The following SSNA1 variants were observed in gnomAD, a reference collection of about 807,000 sequenced individuals.
The protein encoded by SSNA1 is SS nuclear autoantigen 1, also known as microtubule nucleation factor SSNA1.
In SSNA1, 13 loss-of-function variants were observed where a neutral mutation model predicts 13.3. The observed-to-expected ratio is 0.97, with a 90% CI of 0.63 to 1.55. The LOEUF (loss-of-function observed/expected upper bound fraction) is 1.55. Among genes scored for constraint, SSNA1 ranks in the 40% most tolerant of loss-of-function variants. The probability of loss-of-function intolerance (pLI) is 0.00; values close to 1 mark genes in which losing one functional copy is unlikely to be tolerated. For missense variants in SSNA1, 186 were observed against 152.7 expected (o/e 1.22, Z -1.15); for synonymous variants, 89 against 65.9 (o/e 1.35, Z -1.70).
rs548377556 is a variant in SSNA1 at position 137,189,253 on chromosome 9, C to A, written c.240C>A (p.Ala80=). 1 of 1,613,062 alleles carries A rather than the reference C, an allele frequency of 6.2e-7. No individual in the cohort carries two copies. The highest frequency in any genetic ancestry group is 1.3e-5 in the African/African-American group (1 of 75,064). ...ACCGGACCATCGCGGAGACGGAGGC[C>A]GCCTACCTCAAGGTGGAGCTCGGGA... ...EFDRTIAETE[A]AYLKILESSQ... is the part of the protein sequence containing the mutation. Residue 80 remains alanine, a synonymous_variant, in exon 2 of 3, where the codon GCC becomes GCA. Coordinates refer to ENST00000322310, the MANE Select transcript of SSNA1 (RefSeq NM_003731.3).
At position 137,190,057 on chromosome 9, in the gene SSNA1, C is replaced by A; in HGVS notation, c.*143C>A. On this transcript the variant is annotated 3_prime_UTR_variant, in exon 3 of 3. Coordinates refer to ENST00000322310, the MANE Select transcript of SSNA1 (RefSeq NM_003731.3). The stretch of plus-strand genomic sequence containing the variant: ...CGAGAGGGGCAGGTGCCAGCCTCCA[C>A]TGGCATCAGTGACAAGCCCAGGGCA... 1.4e-6 allele frequency: 1 copy of A among 732,500 alleles called. No homozygotes were observed. Among genetic ancestry groups the A allele is most frequent in the Non-Finnish European group, 2.3e-6 (1 of 442,706 alleles). 45.4% of individuals were successfully genotyped at this position (732,500 alleles called of 1,614,324 possible). A position where few individuals can be genotyped will look rare whatever the true frequency, so the allele number is the denominator to read the frequency against.
chr9:137,188,791 G>A lies in SSNA1; in HGVS notation c.52+13G>A. On this transcript the variant is annotated intron_variant, in intron 1 of 2. Transcript: ENST00000322310. ...GAGCTGGTCAAGTGTGAGCGGCGCAGCCGGGACGGGGAGGTCGGGAGGGCC... is the reference window on the plus strand; with the variant it reads ...GAGCTGGTCAAGTGTGAGCGGCGCAACCGGGACGGGGAGGTCGGGAGGGCC... The A allele has an allele frequency of 1.3e-6, 2 of 1,563,896 alleles. No homozygotes were observed. The highest frequency in any genetic ancestry group is 1.4e-5 in the African/African-American group (1 of 71,006).
Position 137,188,783 on chromosome 9 carries a change from G to T in SSNA1, c.52+5G>T. The T allele has an allele frequency of 6.4e-7, 1 of 1,573,910 alleles. No individual in the cohort carries two copies. Among genetic ancestry groups the T allele is most frequent in the Non-Finnish European group, 8.6e-7 (1 of 1,168,110 alleles). ...ACAACAACGAGCTGGTCAAGTGTGA[G>T]CGGCGCAGCCGGGACGGGGAGGTCG... On this transcript the variant is annotated splice_donor_5th_base_variant and intron_variant, in intron 1 of 2. Transcript: ENST00000322310.
At chr9:137,189,733 G>C (rs1193878801) in intron 2 of SSNA1, 74 bp from the exon 3 acceptor site, 2 of 1,393,604 alleles carry the variant, frequency 1.4e-6, no homozygotes, top group Non-Finnish European at 2.0e-6. Flanking sequence ...CAGCACCTGA[G>C]TGTGAGGACA....
chr9:137,189,822 C>G lies in SSNA1; in HGVS notation c.268C>G (p.Gln90Glu). Residue 90 changes from glutamine (Q) to glutamate (E), a missense_variant, in exon 3 of 3, where the codon CAG (glutamine) becomes GAG (glutamate). Coordinates refer to ENST00000322310, the MANE Select transcript of SSNA1 (RefSeq NM_003731.3). ...CTGGCCCCAGATCCTGGAGAGCTCC[C>G]AGACTTTGCTCAGCGTTCTCAAGAG... ...AAYLKILESS[Q>E]TLLSVLKREA... 6.2e-7 allele frequency: 1 copy of G among 1,613,996 alleles called. No homozygotes were observed. The highest frequency in any genetic ancestry group is 1.6e-4 in the Middle Eastern group (1 of 6,062).
In SSNA1 at chr9:137,189,685, C is replaced by T. The variant is rs1279013648; in HGVS notation, c.253-122C>T. ...CCCCTTGGGCTTCCGCCTTCCCCCA[C>T]ACAGGATCCCTTGGCTACAGCACCC... On this transcript the variant is annotated intron_variant, in intron 2 of 2. Transcript: ENST00000322310. 3 of 872,780 alleles carry T rather than the reference C, an allele frequency of 3.4e-6. No homozygotes were observed. The African/African-American group carries it at 5.0e-5, about 15-fold the overall frequency. The allele number at this position is 872,780 out of a possible 1,614,324, so 54.1% of individuals were successfully genotyped here. A position where few individuals can be genotyped will look rare whatever the true frequency, so the allele number is the denominator to read the frequency against.
At chr9:137,188,807 C>G in intron 1 of SSNA1, 29 bp downstream of exon 1, 1 of 1,549,806 alleles carries the variant, frequency 6.5e-7, no homozygotes, top group South Asian at 1.2e-5. Flanking sequence ...ACGGGGAGGT[C>G]GGGAGGGCCG....
At position 137,188,762 on chromosome 9, in the gene SSNA1, C is replaced by T. The variant is rs370229437; in HGVS notation, c.36C>T (p.Asn12=). 70 of 1,584,668 alleles carry T rather than the reference C, an allele frequency of 4.4e-5. No homozygotes were observed. The highest frequency in any genetic ancestry group is 4.5e-5 in the Non-Finnish European group (53 of 1,172,836). Residue 12 remains asparagine, a synonymous_variant, in exon 1 of 3, where the codon AAC becomes AAT. Transcript: ENST00000322310. ...AGGGCGCGGCGCTGCAGAACTACAA[C>T]AACGAGCTGGTCAAGTGTGAGCGGC... ...TQQGAALQNY[N]NELVKCIEEL...
At position 137,188,701 on chromosome 9, in the gene SSNA1, T is replaced by C. The variant is rs774941574; in HGVS notation, c.-26T>C. 3.8e-6 allele frequency: 6 copies of C among 1,570,008 alleles called. No homozygotes were observed. The highest frequency in any genetic ancestry group is 4.3e-6 in the Non-Finnish European group (5 of 1,165,106). On this transcript the variant is annotated 5_prime_UTR_variant, in exon 1 of 3. Transcript: ENST00000322310. Reference sequence around the variant, plus strand: ...AGCGCTGCTTCCGCGGCGGTTGGGGTGGTGGGGCCCCGGGCGGCGTTGACC... The same window carrying C: ...AGCGCTGCTTCCGCGGCGGTTGGGGCGGTGGGGCCCCGGGCGGCGTTGACC...
chr9:137,189,190 G>C lies in SSNA1; in HGVS notation c.177G>C (p.Glu59Asp). Reference protein sequence around the residue: ...QLTEKLARVNENLARKIASRN... With the variant: ...QLTEKLARVNDNLARKIASRN... ...CAGAGAAGCTGGCCCGCGTCAACGA[G>C]AACCTGGCACGCAAGATTGCCTCTC... The change falls in exon 2 of 3, where the codon GAG becomes GAC. Residue 59 changes from glutamate to aspartate, a missense_variant. Transcript: ENST00000322310. 1.9e-6 allele frequency: 3 copies of C among 1,613,204 alleles called. No individual in the cohort carries two copies. Among genetic ancestry groups the C allele is most frequent in the Non-Finnish European group, 2.5e-6 (3 of 1,179,984 alleles).
chr9:137,189,761 T>TA (rs757450260), intron 2 of SSNA1, 46 bp from the exon 3 acceptor site: 3 of 1,575,346 alleles, frequency 1.9e-6, no homozygotes, highest in Non-Finnish European at 2.6e-6. Context: ...CTTAGGACCT[T>TA]ACCAACAGGT....
Position 137,190,058 on chromosome 9 carries a change from T to G in SSNA1, c.*144T>G. The G allele has an allele frequency of 1.4e-6, 1 of 720,236 alleles. No homozygotes were observed. The highest frequency in any genetic ancestry group is 2.3e-6 in the Non-Finnish European group (1 of 432,264). The allele number at this position is 720,236 out of a possible 1,614,324, so 44.6% of individuals were successfully genotyped here. ...GAGAGGGGCAGGTGCCAGCCTCCAC[T>G]GGCATCAGTGACAAGCCCAGGGCAC... is the stretch of plus-strand genomic sequence containing the variant. On this transcript the variant is annotated 3_prime_UTR_variant, in exon 3 of 3. Transcript: ENST00000322310.
chr9:137,190,300 C>T lies in SSNA1; in HGVS notation c.*386C>T, dbSNP rs987704126. On this transcript the variant is annotated 3_prime_UTR_variant, in exon 3 of 3. Transcript: ENST00000322310. ...CAGGAGGACAGGGGTTCTCCTTCAC[C>T]ACAGAACCCAAACCTCAGGTCTCAC... 1.2e-5 allele frequency: 3 copies of T among 248,420 alleles called. No individual in the cohort carries two copies. The highest frequency in any genetic ancestry group is 5.1e-5 in the South Asian group (1 of 19,530). 15.4% of individuals were successfully genotyped at this position (248,420 alleles called of 1,614,324 possible).
rs1340726029 is a variant in SSNA1 at position 137,189,272 on chromosome 9, C to T, written c.252+7C>T. 6.2e-7 allele frequency: 1 copy of T among 1,612,868 alleles called. No homozygotes were observed. Among genetic ancestry groups the T allele is most frequent in the Non-Finnish European group, 8.5e-7 (1 of 1,179,852 alleles). On this transcript the variant is annotated splice_region_variant and intron_variant, in intron 2 of 2. Transcript: ENST00000322310. ...GGAGGCCGCCTACCTCAAGGTGGAG[C>T]TCGGGAGGCCAGGCCGAGCATCAGG...
rs770115945 is a variant in SSNA1 at position 137,189,876 on chromosome 9, G to T, written c.322G>T (p.Ala108Ser). 9.3e-6 allele frequency: 15 copies of T among 1,613,862 alleles called. No individual in the cohort carries two copies. The Admixed American group carries it at 2.3e-4, about 25-fold the overall frequency. ...AGCTGGGAACCTGACCAAGGCTACA[G>T]CCCCAGACCAGAAAAGTAGCGGCGG... is the stretch of plus-strand genomic sequence containing the variant. ...REAGNLTKAT[A>S]PDQKSSGGRD... Residue 108 changes from alanine (A) to serine (S), a missense_variant, in exon 3 of 3, where the codon GCC becomes TCC. By Grantham distance (99) the Ala-to-Ser change is moderately conservative. Coordinates refer to ENST00000322310, the MANE Select transcript of SSNA1 (RefSeq NM_003731.3).
In SSNA1 at chr9:137,190,215, G is replaced by T. The variant is rs1834584154; in HGVS notation, c.*301G>T. The T allele has an allele frequency of 2.6e-6, 1 of 383,142 alleles. No individual in the cohort carries two copies. The highest frequency in any genetic ancestry group is 4.9e-6 in the Non-Finnish European group (1 of 205,986). The allele number at this position is 383,142 out of a possible 1,614,324, so 23.7% of individuals were successfully genotyped here. A position where few individuals can be genotyped will look rare whatever the true frequency, so the allele number is the denominator to read the frequency against. On this transcript the variant is annotated 3_prime_UTR_variant, in exon 3 of 3. Transcript: ENST00000322310. ...TGCCAGGGAGGCTCTGGTTGTCTGA[G>T]CACCATGGGGGCCCCCTCACCTTGT...
chr9:137,190,163 GTC>G lies in SSNA1; in HGVS notation c.*253_*254del. 2.1e-6 allele frequency: 1 copy of G among 475,940 alleles called. No individual in the cohort carries two copies. Among genetic ancestry groups the G allele is most frequent in the South Asian group, 2.2e-5 (1 of 45,618 alleles). 29.5% of individuals were successfully genotyped at this position (475,940 alleles called of 1,614,324 possible). ...TCCAGGTCAGCTCTGCAAGGGGCTT[GTC>G]TCTGTGGCACCCACACTCCTGCCCT... On this transcript the variant is annotated 3_prime_UTR_variant, in exon 3 of 3. Transcript: ENST00000322310.
chr9:137,189,204 A>T lies in SSNA1; in HGVS notation c.191A>T (p.Lys64Met). The T allele has an allele frequency of 6.2e-7, 1 of 1,613,222 alleles. No individual in the cohort carries two copies. The highest frequency in any genetic ancestry group is 8.5e-7 in the Non-Finnish European group (1 of 1,179,998). ...LARVNENLAR[K>M]IASRNEFDRT... ...CGCGTCAACGAGAACCTGGCACGCAAGATTGCCTCTCGCAACGAGTTCGAC... is the reference window on the plus strand; with the variant it reads ...CGCGTCAACGAGAACCTGGCACGCATGATTGCCTCTCGCAACGAGTTCGAC... The change falls in exon 2 of 3, where the codon AAG becomes ATG. Residue 64 changes from lysine (K) to methionine (M), a missense_variant. Transcript: ENST00000322310.
At position 137,189,193 on chromosome 9, in the gene SSNA1, C is replaced by A. The variant is rs1288087587; in HGVS notation, c.180C>A (p.Asn60Lys). 6.2e-7 allele frequency: 1 copy of A among 1,613,200 alleles called. No homozygotes were observed. The highest frequency in any genetic ancestry group is 1.7e-5 in the Admixed American group (1 of 60,026). The change falls in exon 2 of 3, where the codon AAC becomes AAA. Residue 60 changes from asparagine to lysine, a missense_variant. Transcript: ENST00000322310. Reference protein sequence around the residue: ...LTEKLARVNENLARKIASRNE... With the variant: ...LTEKLARVNEKLARKIASRNE... The stretch of plus-strand genomic sequence containing the variant: ...AGAAGCTGGCCCGCGTCAACGAGAA[C>A]CTGGCACGCAAGATTGCCTCTCGCA...
Sources: allele counts gnomAD v4.1 joint callset, GRCh38; gene constraint gnomAD v4.1.1; transcripts MANE v1.5; gene names NCBI Gene and HGNC (gene_info 2026-07-23, HGNC 2026-07-21).